The following SRPK1 variants were observed in gnomAD, a reference collection of about 807,000 sequenced individuals.
The protein encoded by SRPK1 is SRSF protein kinase 1.
SRPK1 carries 52 observed loss-of-function variants against 89.5 expected under a neutral mutation model. The ratio of observed to expected loss-of-function variants is 0.58; its 90% CI spans 0.46 to 0.73. SRPK1 has a LOEUF of 0.73. Among genes scored for constraint, SRPK1 ranks in the 30% least tolerant of loss-of-function variants. The pLI, the probability that SRPK1 is intolerant of heterozygous loss-of-function variation, is 0.00. For synonymous variants in SRPK1, 255 were observed against 270.2 expected (o/e 0.94, Z 0.55); for missense variants, 603 against 780.6 (o/e 0.77, Z 2.71).
Position 35,872,579 on chromosome 6 carries a change from C to A in SRPK1, c.735G>T (p.Pro245=). ...AAAATACACCTGCAGATCCGGAAGG[C>A]GGAGGAGCTCCAGATCGCTGCCATT... is the stretch of plus-strand genomic sequence containing the variant. ...ATEWQRSGAP[P]PSGSAVSTAP... Residue 245 remains proline (P), a synonymous_variant, in exon 8 of 16, where the codon CCG becomes CCT. Coordinates refer to ENST00000373825, the MANE Select transcript of SRPK1 (RefSeq NM_003137.5). 2 of 1,605,496 alleles carry A rather than the reference C, an allele frequency of 1.2e-6. No homozygotes were observed. The highest frequency in any genetic ancestry group is 1.7e-6 in the Non-Finnish European group (2 of 1,176,804).
chr6:35,860,799 T>C (rs1480969434), intron 12 of SRPK1, among the ~76,000 whole-genome samples: 1 of 151,578 alleles, frequency 6.6e-6, no homozygotes, highest in Non-Finnish European at 1.5e-5. Flanking sequence ...AATACCTGAG[T>C]GAATATGATA....
At chr6:35,893,172 G>A (rs951290452) in intron 2 of SRPK1, among the ~76,000 whole-genome samples, 1 of 152,178 alleles carries the variant, frequency 6.6e-6, no homozygotes, top group African/African-American at 2.4e-5. Flanking sequence ...CAGATTCTCT[G>A]ATTCAAACTT....
chr6:35,916,715 G>C lies in SRPK1; in HGVS notation c.74+3753C>G, dbSNP rs540629638. Reference sequence around the variant, plus strand: ...CTTCCTAAGGTAAGTAATAAAATCAGTAAGTATGAAATCCATTCTGGAATT... The same window carrying C: ...CTTCCTAAGGTAAGTAATAAAATCACTAAGTATGAAATCCATTCTGGAATT... On this transcript the variant is annotated intron_variant, in intron 2 of 15. Transcript: ENST00000373825. Among the ~76,000 whole-genome samples, 185 of 152,284 alleles carry C rather than the reference G, an allele frequency of 1.2e-3. 1 individual carries two copies. The highest frequency in any genetic ancestry group is 4.0e-3 in the African/African-American group (168 of 41,548).
chr6:35,904,969 C>T (rs774115627), intron 2 of SRPK1: 5 of 446,094 alleles, frequency 1.1e-5, no homozygotes, highest in Non-Finnish European at 2.2e-5. Flanking sequence ...CAGCAAGACT[C>T]CATCTCTACA....
At position 35,834,793 on chromosome 6, in the gene SRPK1, A is replaced by C. The variant is rs1441637246; in HGVS notation, c.*511T>G. ...CTTAAAAGTTGCAGGAAAAAATGTG[A>C]ACACAGAGAACAACAGAAACAGTCC... On this transcript the variant is annotated 3_prime_UTR_variant, in exon 16 of 16. Coordinates refer to ENST00000373825, the MANE Select transcript of SRPK1 (RefSeq NM_003137.5). 1 of 152,272 alleles carries C rather than the reference A, an allele frequency of 6.6e-6. No individual in the cohort carries two copies. Among genetic ancestry groups the C allele is most frequent in the Non-Finnish European group, 1.5e-5 (1 of 68,086 alleles). The allele number at this position is 152,272 out of a possible 1,614,324, so 9.4% of individuals were successfully genotyped here.
At chr6:35,904,988 G>C (rs1174426925) in intron 2 of SRPK1, 1 of 423,120 alleles carries the variant, frequency 2.4e-6, no homozygotes, top group African/African-American at 2.1e-5. Context: ...CAAAAGAAAA[G>C]AAAAAAAAAA....
At chr6:35,866,476 G>A (rs1412560542) in intron 12 of SRPK1, among the ~76,000 whole-genome samples, 2 of 152,022 alleles carry the variant, frequency 1.3e-5, no homozygotes, top group South Asian at 2.1e-4. Flanking sequence ...TCCCAGCTAC[G>A]CGGGAAGGGT....
chr6:35,834,356 T>C lies in SRPK1; in HGVS notation c.*948A>G, dbSNP rs1156951521. 1 of 152,174 alleles carries C rather than the reference T, an allele frequency of 6.6e-6. No homozygotes were observed. The highest frequency in any genetic ancestry group is 1.5e-5 in the Non-Finnish European group (1 of 68,006). 9.4% of individuals were successfully genotyped at this position (152,174 alleles called of 1,614,324 possible). Reference sequence around the variant, plus strand: ...AGCTGTACATGAAAGCAGGGGACTGTTTGGAAAAGAATCAGAATCTCAAGA... The same window carrying C: ...AGCTGTACATGAAAGCAGGGGACTGCTTGGAAAAGAATCAGAATCTCAAGA... On this transcript the variant is annotated 3_prime_UTR_variant, in exon 16 of 16. Coordinates refer to ENST00000373825, the MANE Select transcript of SRPK1 (RefSeq NM_003137.5).
chr6:35,871,964 C>T (rs542155033), intron 8 of SRPK1, among the ~76,000 whole-genome samples: 20 of 152,216 alleles, frequency 1.3e-4, no homozygotes, highest in African/African-American at 4.8e-4. Flanking sequence ...TGGTCTCAAA[C>T]TTCTGGGCCC....
At chr6:35,872,337 A>G (rs910226295) in intron 8 of SRPK1, among the ~76,000 whole-genome samples, 1 of 152,232 alleles carries the variant, frequency 6.6e-6, no homozygotes, top group Admixed American at 6.5e-5. Context: ...ATATTTTTAA[A>G]CAATACACAC....
rs1388811829 is a variant in SRPK1 at position 35,835,124 on chromosome 6, C to T, written c.*180G>A. On this transcript the variant is annotated 3_prime_UTR_variant, in exon 16 of 16. Coordinates refer to ENST00000373825, the MANE Select transcript of SRPK1 (RefSeq NM_003137.5). ...CAAATTCACCTAGGATGCCCAATGG[C>T]TGTGGGGATCTCCACAGGGTCAAGT... The T allele has an allele frequency of 1.8e-6, 1 of 544,498 alleles. No homozygotes were observed. The highest frequency in any genetic ancestry group is 1.9e-5 in the African/African-American group (1 of 53,266). 33.7% of individuals were successfully genotyped at this position (544,498 alleles called of 1,614,324 possible).
chr6:35,892,632 A>T (rs1287814059), intron 2 of SRPK1, among the ~76,000 whole-genome samples: 1 of 151,046 alleles, frequency 6.6e-6, no homozygotes, highest in African/African-American at 2.4e-5. Flanking sequence ...ACCCTGGGCA[A>T]CAGGGCAAGA....
chr6:35,897,463 G>A (rs1770648881), intron 2 of SRPK1, among the ~76,000 whole-genome samples: 1 of 152,228 alleles, frequency 6.6e-6, no homozygotes, highest in African/African-American at 2.4e-5. Flanking sequence ...GTAGACCTAT[G>A]TCTAGGGAAA....
Position 35,836,685 on chromosome 6 carries a change from G to T in SRPK1, c.1784-1197C>A, listed in dbSNP as rs371721895. Among the ~76,000 whole-genome samples the T allele has an allele frequency of 2.6e-5, 4 of 151,950 alleles. No individual in the cohort carries two copies. The East Asian group carries it at 5.8e-4, about 22-fold the overall frequency. ...CAGGAGGATCATTTGAACCTGGGAG[G>T]TGGAGGTTGCAGTGAGCCAAGATCG... On this transcript the variant is annotated intron_variant, in intron 15 of 15. Coordinates refer to ENST00000373825, the MANE Select transcript of SRPK1 (RefSeq NM_003137.5).
chr6:35,920,988 C>T (rs528939580), intron 1 of SRPK1, 56 bp downstream of exon 1: 1 of 1,520,462 alleles, frequency 6.6e-7, no homozygotes, highest in South Asian at 1.2e-5. Context: ...GGCGCTGACC[C>T]GGGCCTCGCC....
chr6:35,837,553 A>T (rs1323071584), intron 15 of SRPK1, among the ~76,000 whole-genome samples: 4 of 152,140 alleles, frequency 2.6e-5, no homozygotes, highest in Non-Finnish European at 5.9e-5. Flanking sequence ...GTCTGGCTCC[A>T]GTCTCTGCTC....
rs1022349639 is a variant in SRPK1 at position 35,834,694 on chromosome 6, T to G, written c.*610A>C. On this transcript the variant is annotated 3_prime_UTR_variant, in exon 16 of 16. Coordinates refer to ENST00000373825, the MANE Select transcript of SRPK1 (RefSeq NM_003137.5). ...TTAACTATTAAAGGATGAAAGGAAT[T>G]TGACAGTGCTTTGAACAGTGATAAA... is the stretch of plus-strand genomic sequence containing the variant. The G allele has an allele frequency of 6.6e-6, 1 of 152,278 alleles. No individual in the cohort carries two copies. Among genetic ancestry groups the G allele is most frequent in the South Asian group, 2.1e-4 (1 of 4,820 alleles). 9.4% of individuals were successfully genotyped at this position (152,278 alleles called of 1,614,324 possible).
At chr6:35,897,135 T>C (rs1295923006) in intron 2 of SRPK1, among the ~76,000 whole-genome samples, 1 of 152,212 alleles carries the variant, frequency 6.6e-6, no homozygotes, top group African/African-American at 2.4e-5. Context: ...ACTTAGATCA[T>C]GGTGAGATAT....
chr6:35,870,807 T>C (rs1770020182), intron 9 of SRPK1, 127 bp downstream of exon 9: 4 of 808,812 alleles, frequency 4.9e-6, no homozygotes, highest in Admixed American at 3.0e-5. Context: ...GAGAAAATTA[T>C]AGAAGCGCAG....
Sources: allele counts gnomAD v4.1 joint callset (sites outside exome capture counted in the v4.1 genomes callset), GRCh38; gene constraint gnomAD v4.1.1; transcripts MANE v1.5; gene names NCBI Gene and HGNC (gene_info 2026-07-23, HGNC 2026-07-21).